The following ASAP1 variants were observed in gnomAD, a reference collection of about 807,000 sequenced individuals.
ASAP1 encodes arf-GAP with SH3 domain, ANK repeat and PH domain-containing protein 1.
Under a neutral mutation model 145.2 loss-of-function variants are expected in ASAP1, and 43 were observed. That is an observed-to-expected ratio of 0.30 (90% CI 0.23 to 0.38). ASAP1 has a LOEUF of 0.38. ASAP1 is among the 10% of genes least tolerant of loss of function. The pLI is 1.00. For missense variants in ASAP1, 1,018 were observed against 1,355.3 expected, an observed-to-expected ratio of 0.75 and a Z score of 3.91; for synonymous variants, 546 against 515.5, an observed-to-expected ratio of 1.06 and a Z score of -0.80.
At position 130,327,558 on chromosome 8, in the gene ASAP1, C is replaced by T. The variant is rs564536964; in HGVS notation, c.186+30459G>A. ...AGACTCTCAGGTGACTCTACTGAGA[C>T]GGGTAAAGAAGATTAATATAAATAT... On this transcript the variant is annotated intron_variant, in intron 3 of 29. Coordinates refer to ENST00000518721, the MANE Select transcript of ASAP1 (RefSeq NM_018482.4). 7.1e-4 allele frequency among the ~76,000 whole-genome samples: 108 copies of T among 152,084 alleles called. 3 individuals are homozygous for T. In the South Asian group the frequency reaches 0.021, roughly 30 times the overall value.
At chr8:130,281,566 T>G (rs1821246649) in intron 3 of ASAP1, among the ~76,000 whole-genome samples, 1 of 152,116 alleles carries the variant, frequency 6.6e-6, no homozygotes, top group South Asian at 2.1e-4. Flanking sequence ...GCTAAAAAAC[T>G]TATCCAAAGT....
chr8:130,209,207 A>G (rs1816421952), intron 5 of ASAP1, among the ~76,000 whole-genome samples: 1 of 152,202 alleles, frequency 6.6e-6, no homozygotes, highest in African/African-American at 2.4e-5. Context: ...CACAACCAAT[A>G]AAGTATGCAG....
intron 27 of ASAP1, among the ~76,000 whole-genome samples, chr8:130,061,600 C>A (rs2097419728): frequency 6.6e-6 from 1 of 152,148 alleles, no homozygotes; most frequent in South Asian, 2.1e-4. Flanking sequence ...CCCCATTTTA[C>A]ATGATTCATG....
chr8:130,326,874 T>C (rs974231520), intron 3 of ASAP1, among the ~76,000 whole-genome samples: 5 of 152,170 alleles, frequency 3.3e-5, no homozygotes, highest in African/African-American at 1.2e-4. Flanking sequence ...GGCCTATTTC[T>C]TCAGGATCCC....
chr8:130,118,129 A>G lies in ASAP1; in HGVS notation c.1880+32T>C. 5 of 1,572,708 alleles carry G rather than the reference A, an allele frequency of 3.2e-6. No individual in the cohort carries two copies. In the East Asian group the frequency reaches 9.0e-5, roughly 28 times the overall value. On this transcript the variant is annotated intron_variant, in intron 20 of 29. Transcript: ENST00000518721. ...TTGTGTTAATTTATAAGGCATATTC[A>G]GGTAATTCAACAGAGAAAACAAAAA...
intron 28 of ASAP1, among the ~76,000 whole-genome samples, chr8:130,059,426 A>C (rs2097412720): frequency 6.6e-6 from 1 of 152,004 alleles, no homozygotes. Flanking sequence ...TGGCCTCCCA[A>C]AGTGCTGAAA....
At chr8:130,251,665 T>C (rs931906634) in intron 3 of ASAP1, among the ~76,000 whole-genome samples, 2 of 152,104 alleles carry the variant, frequency 1.3e-5, no homozygotes, top group Non-Finnish European at 2.9e-5. Flanking sequence ...GAAGTTGACA[T>C]CTCTAATACA....
intron 5 of ASAP1, among the ~76,000 whole-genome samples, chr8:130,210,533 C>A (rs1434005438): frequency 6.6e-6 from 1 of 152,162 alleles, no homozygotes; most frequent in Non-Finnish European, 1.5e-5. Context: ...TGCTATAACT[C>A]ACCAATGAGA....
At chr8:130,232,827 G>C (rs1817991935) in intron 4 of ASAP1, among the ~76,000 whole-genome samples, 1 of 151,934 alleles carries the variant, frequency 6.6e-6, no homozygotes, top group Non-Finnish European at 1.5e-5. Flanking sequence ...TATCACATGG[G>C]TTTTGTATCA....
rs16904224 is a variant in ASAP1 at position 130,237,221 on chromosome 8, T to C, written c.187-227A>G. Among the ~76,000 whole-genome samples, 876 of 152,222 alleles carry C rather than the reference T, an allele frequency of 5.8e-3. 7 individuals are homozygous for C. The highest frequency in any genetic ancestry group is 0.02 in the African/African-American group (829 of 41,552). The stretch of plus-strand genomic sequence containing the variant: ...CACAAAGCTCAGTGTGTGAAATGGA[T>C]AGCATTTTAGTCAGTCAATTATCAT... On this transcript the variant is annotated intron_variant, in intron 3 of 29. Transcript: ENST00000518721.
At chr8:130,084,410 A>G (rs1422099318) in intron 25 of ASAP1, 1 of 152,256 alleles carries the variant, frequency 6.6e-6, no homozygotes, top group Non-Finnish European at 1.5e-5. Context: ...TGCAATTTGG[A>G]AAAAGGTCTT....
chr8:130,321,424 G>A (rs1429793613), intron 3 of ASAP1, among the ~76,000 whole-genome samples: 3 of 152,068 alleles, frequency 2.0e-5, no homozygotes, highest in Non-Finnish European at 2.9e-5. Context: ...AGTGAGTTGG[G>A]AGTTAAAATC....
chr8:130,271,786 C>G (rs1013561189), intron 3 of ASAP1, among the ~76,000 whole-genome samples: 13 of 152,138 alleles, frequency 8.5e-5, no homozygotes, highest in Non-Finnish European at 1.8e-4. Flanking sequence ...GTCATCCCTG[C>G]TTCAAAAATC....
At chr8:130,255,855 G>A (rs1438186448) in intron 3 of ASAP1, among the ~76,000 whole-genome samples, 1 of 152,134 alleles carries the variant, frequency 6.6e-6, no homozygotes, top group East Asian at 1.9e-4. Context: ...CAAATTACAT[G>A]TGAGTGCAAT....
intron 13 of ASAP1, among the ~76,000 whole-genome samples, chr8:130,139,031 G>A (rs763515605): frequency 3.3e-5 from 5 of 152,124 alleles, no homozygotes; most frequent in Non-Finnish European, 7.4e-5. Context: ...ATGACCACCT[G>A]AAAAGGCAGT....
chr8:130,070,904 G>C (rs1376212773), intron 27 of ASAP1, among the ~76,000 whole-genome samples: 1 of 13,124 alleles, frequency 7.6e-5, no homozygotes, highest in African/African-American at 4.2e-4. Flanking sequence ...AGAGAGGGAG[G>C]GAGAGAGAGG....
chr8:130,106,475 A>G (rs1235103844), intron 24 of ASAP1, among the ~76,000 whole-genome samples: 4 of 152,198 alleles, frequency 2.6e-5, no homozygotes, highest in African/African-American at 9.7e-5. Flanking sequence ...ATCTCCAAGG[A>G]AAGTTGGAGA....
At chr8:130,128,273 A>C (rs143639111) in intron 15 of ASAP1, among the ~76,000 whole-genome samples, 183 bp from the exon 16 acceptor site, 1 of 151,694 alleles carries the variant, frequency 6.6e-6, no homozygotes, top group Non-Finnish European at 1.5e-5. Flanking sequence ...ACTTGAAGGA[A>C]GGTGAGAGTT....
chr8:130,073,407 A>C (rs1405790960), intron 27 of ASAP1, among the ~76,000 whole-genome samples: 1 of 150,882 alleles, frequency 6.6e-6, no homozygotes, highest in South Asian at 2.1e-4. Context: ...AAAAAAAAAC[A>C]AATACAAATG....
Sources: gnomAD v4.1 joint callset for allele counts (sites outside exome capture counted in the v4.1 genomes callset) on GRCh38, gnomAD v4.1.1 for gene constraint, MANE v1.5 for transcripts, NCBI Gene and HGNC (gene_info 2026-07-23, HGNC 2026-07-21) for gene names.